Variants in HIVEP3 observed in about 807,000 individuals in gnomAD.
HIVEP3 encodes the protein transcription factor HIVEP3.
In HIVEP3, 49 loss-of-function variants were observed where a neutral mutation model predicts 152.8. That is an observed-to-expected ratio of 0.32 (90% CI 0.26 to 0.41). HIVEP3 has a LOEUF of 0.41. Among genes scored for constraint, HIVEP3 ranks in the 10% least tolerant of loss-of-function variants. The pLI is 1.00. For synonymous variants in HIVEP3, 1,269 were observed against 1,289.0 expected, an observed-to-expected ratio of 0.98 and a Z score of 0.33; for missense variants, 2,790 against 3,103.3, an observed-to-expected ratio of 0.90 and a Z score of 2.40.
At chr1:41,777,901 G>A (rs1419846614) in intron 1 of HIVEP3, among the ~76,000 whole-genome samples, 1 of 152,176 alleles carries the variant, frequency 6.6e-6, no homozygotes, top group Non-Finnish European at 1.5e-5. Flanking sequence ...CCAGAATAGT[G>A]GTATGCATCA....
At chr1:41,775,300 T>C (rs1265367322) in intron 1 of HIVEP3, among the ~76,000 whole-genome samples, 2 of 152,160 alleles carry the variant, frequency 1.3e-5, no homozygotes, top group Non-Finnish European at 2.9e-5. Flanking sequence ...GCGGAGCATA[T>C]AAATTTGAAT....
chr1:41,976,554 A>G (rs1645260395), intron 1 of HIVEP3, among the ~76,000 whole-genome samples: 1 of 152,228 alleles, frequency 6.6e-6, no homozygotes, highest in South Asian at 2.1e-4. Flanking sequence ...TTGCTATCTT[A>G]AAAGTAAGCA....
intron 2 of HIVEP3, among the ~76,000 whole-genome samples, chr1:41,640,657 C>A (rs2149156800): frequency 6.6e-6 from 1 of 152,284 alleles, no homozygotes; most frequent in East Asian, 1.9e-4. Context: ...TGCTTCCCCG[C>A]AAGAAGGCTT....
intron 1 of HIVEP3, among the ~76,000 whole-genome samples, chr1:41,872,790 T>G (rs1249141109): frequency 6.6e-6 from 1 of 152,228 alleles, no homozygotes; most frequent in Non-Finnish European, 1.5e-5. Context: ...TGCTTATCCA[T>G]TCCCCAGTTG....
At chr1:41,960,070 A>G (rs900353698) in intron 1 of HIVEP3, among the ~76,000 whole-genome samples, 1 of 152,186 alleles carries the variant, frequency 6.6e-6, no homozygotes, top group South Asian at 2.1e-4. Context: ...GGCAAGTACA[A>G]CAACAACAGC....
At chr1:41,769,218 C>T (rs1648196997) in intron 1 of HIVEP3, among the ~76,000 whole-genome samples, 5 of 152,246 alleles carry the variant, frequency 3.3e-5, no homozygotes, top group Admixed American at 2.0e-4. Context: ...TCAGCCTTTA[C>T]ACTTGCAAAG....
chr1:41,633,335 C>T (rs146278116), intron 2 of HIVEP3, among the ~76,000 whole-genome samples: 5 of 152,250 alleles, frequency 3.3e-5, no homozygotes, highest in Non-Finnish European at 7.4e-5. Context: ...GCGAAGCTAG[C>T]CTCACCCAGC....
intron 1 of HIVEP3, among the ~76,000 whole-genome samples, chr1:41,755,721 G>A (rs1647278390): frequency 6.6e-6 from 1 of 151,746 alleles, no homozygotes; most frequent in African/African-American, 2.4e-5. Flanking sequence ...CACGTAAAAA[G>A]ATGTTCAATG....
At chr1:42,003,357 G>A (rs748742260) in intron 1 of HIVEP3, among the ~76,000 whole-genome samples, 2 of 152,158 alleles carry the variant, frequency 1.3e-5, no homozygotes, top group African/African-American at 2.4e-5. Flanking sequence ...GATTACAGGC[G>A]TGAGCCAACG....
Position 42,028,185 on chromosome 1 carries a change from TG to T in HIVEP3, n.119+7621del, listed in dbSNP as rs1291365131. Among the ~76,000 whole-genome samples the T allele has an allele frequency of 2.6e-5, 4 of 152,326 alleles. No individual in the cohort carries two copies. In the South Asian group the frequency reaches 6.2e-4, roughly 24 times the overall value. On this transcript the variant is annotated intron_variant and non_coding_transcript_variant, in intron 1 of 3. Transcript: ENST00000489103. ...TTATTATCTAATATATTTTATTTTT[TG>T]TTGTTGTTGTTGTTTAGCGTTATCT...
chr1:41,625,162 CAAAAAAAAAAAAAA>C lies in HIVEP3; in HGVS notation c.-522+3573_-522+3586del, dbSNP rs59268661. Among the ~76,000 whole-genome samples, 8 of 71,274 alleles carry C rather than the reference CAAAAAAAAAAAAAA, an allele frequency of 1.1e-4. No homozygotes were observed. In the Admixed American group the frequency reaches 1.2e-3, roughly 10 times the overall value. The allele number at this position is 71,274 out of a possible 152,430, so 46.8% of individuals were successfully genotyped here. On this transcript the variant is annotated intron_variant, in intron 3 of 8. Transcript: ENST00000372583. The stretch of plus-strand genomic sequence containing the variant: ...TGGCTGACAGAGCGAGATTCCAACT[CAAAAAAAAAAAAAA>C]AAAAAAAAAAAAAAAAGAATTCCTT...
intron 3 of HIVEP3, among the ~76,000 whole-genome samples, chr1:41,622,173 C>T (rs1222838566): frequency 6.6e-6 from 1 of 152,118 alleles, no homozygotes; most frequent in Non-Finnish European, 1.5e-5. Context: ...AGAGGAAGGC[C>T]GAATCCCTGC....
intron 1 of HIVEP3, among the ~76,000 whole-genome samples, chr1:41,823,051 G>T (rs1642655868): frequency 6.6e-6 from 1 of 152,320 alleles, no homozygotes; most frequent in Non-Finnish European, 1.5e-5. Context: ...GGCCATAAGG[G>T]TGGGGCCCTA....
chr1:41,622,262 C>T (rs1645057112), intron 3 of HIVEP3, among the ~76,000 whole-genome samples: 1 of 152,124 alleles, frequency 6.6e-6, no homozygotes, highest in Non-Finnish European at 1.5e-5. Flanking sequence ...CAGGGTACCA[C>T]AGAATCCCAG....
At chr1:41,874,569 T>A (rs1385660511) in intron 1 of HIVEP3, among the ~76,000 whole-genome samples, 3 of 152,032 alleles carry the variant, frequency 2.0e-5, no homozygotes, top group Non-Finnish European at 4.4e-5. Flanking sequence ...ACCACCAAAC[T>A]CACCACCACC....
At chr1:41,983,611 C>T (rs950190111) in intron 1 of HIVEP3, among the ~76,000 whole-genome samples, 1 of 152,030 alleles carries the variant, frequency 6.6e-6, no homozygotes, top group Non-Finnish European at 1.5e-5. Context: ...GAAAAACAGT[C>T]ATACCTAAGC....
At chr1:41,629,433 TTAAAC>T (rs1256782681) in intron 2 of HIVEP3, among the ~76,000 whole-genome samples, 1 of 152,222 alleles carries the variant, frequency 6.6e-6, no homozygotes, top group Non-Finnish European at 1.5e-5. Context: ...GTAGGCCTAA[TTAAAC>T]TAAAGAGCGT....
intron 2 of HIVEP3, among the ~76,000 whole-genome samples, chr1:41,698,330 A>G (rs1325953050): frequency 6.6e-6 from 1 of 152,094 alleles, no homozygotes; most frequent in African/African-American, 2.4e-5. Context: ...GGTAGAGACT[A>G]AGTTTATTCA....
At chr1:41,791,841 T>C (rs1215803117) in intron 1 of HIVEP3, among the ~76,000 whole-genome samples, 1 of 149,458 alleles carries the variant, frequency 6.7e-6, no homozygotes, top group Non-Finnish European at 1.5e-5. Flanking sequence ...CCAAACCCCA[T>C]ACTCCACACC....
Sources: gnomAD v4.1 joint callset for allele counts (sites outside exome capture counted in the v4.1 genomes callset) on GRCh38, gnomAD v4.1.1 for gene constraint, MANE v1.5 for transcripts, NCBI Gene and HGNC (gene_info 2026-07-23, HGNC 2026-07-21) for gene names.